Variants in ZNF462 observed in about 807,000 individuals in gnomAD.
The protein encoded by ZNF462 is zinc finger PBX1-interacting protein.
Under a neutral mutation model 201.9 loss-of-function variants are expected in ZNF462, and 10 were observed. The ratio of observed to expected loss-of-function variants is 0.05; its 90% CI spans 0.03 to 0.08. The LOEUF (loss-of-function observed/expected upper bound fraction) is 0.08. ZNF462 is among the 10% of genes least tolerant of loss of function. The pLI is 1.00. For synonymous variants in ZNF462, 1,227 were observed against 1,193.3 expected (o/e 1.03, Z -0.58); for missense variants, 2,523 against 3,168.3 (o/e 0.80, Z 4.89).
intron 1 of ZNF462, among the ~76,000 whole-genome samples, chr9:106,918,173 C>T (rs997243069): frequency 6.6e-6 from 1 of 152,140 alleles, no homozygotes; most frequent in African/African-American, 2.4e-5. Context: ...CCACGCCCTG[C>T]CTGCTGGTTT....
chr9:106,881,721 T>C (rs929925638), intron 1 of ZNF462, among the ~76,000 whole-genome samples: 3 of 152,162 alleles, frequency 2.0e-5, no homozygotes, highest in Admixed American at 1.3e-4. Flanking sequence ...GACAAACATA[T>C]ACCTTCTTGG....
chr9:106,908,117 A>G (rs1023706162), intron 1 of ZNF462, among the ~76,000 whole-genome samples: 1 of 152,204 alleles, frequency 6.6e-6, no homozygotes, highest in South Asian at 2.1e-4. Context: ...AAAGACTTCT[A>G]TAAACCTCCA....
Position 106,925,514 on chromosome 9 carries a change from G to A in ZNF462, c.1602G>A (p.Leu534=). The change falls in exon 3 of 13, where the codon TTG becomes TTA. Residue 534 remains leucine, a synonymous_variant. Transcript: ENST00000277225. The surrounding 1 kb of genome is among the most constrained non-coding windows in gnomAD (Gnocchi z 7.9). ...ATGGTAGAAAGTCAGGAGTCATGTT[G>A]GATCCCTTGCAGCAGCAACAGCCAC... The part of the protein sequence containing the change: ...SINGRKSGVM[L]DPLQQQQPPQ... 6.2e-7 allele frequency: 1 copy of A among 1,614,026 alleles called. No individual in the cohort carries two copies. The highest frequency in any genetic ancestry group is 8.5e-7 in the Non-Finnish European group (1 of 1,180,004).
chr9:106,903,841 C>T (rs1481646891), intron 1 of ZNF462, among the ~76,000 whole-genome samples: 1 of 152,176 alleles, frequency 6.6e-6, no homozygotes, highest in African/African-American at 2.4e-5. Context: ...CTGAAGGCAG[C>T]AGATAGTTGG....
chr9:107,010,731 T>G lies in ZNF462; in HGVS notation c.7314-92T>G. 7.9e-7 allele frequency: 1 copy of G among 1,264,782 alleles called. No homozygotes were observed. The highest frequency in any genetic ancestry group is 1.1e-6 in the Non-Finnish European group (1 of 939,472). The allele number at this position is 1,264,782 out of a possible 1,614,324, so 78.3% of individuals were successfully genotyped here. On this transcript the variant is annotated intron_variant, in intron 12 of 12. Coordinates refer to ENST00000277225, the MANE Select transcript of ZNF462 (RefSeq NM_021224.6). The surrounding 1 kb of genome is among the most constrained non-coding windows in gnomAD (Gnocchi z 4.6). ...CAAGGCTTTTTGAGGATCAGGAAAA[T>G]AAAGACACTCGAGGGTTTTTATTAT...
In ZNF462 at chr9:106,932,243, T is replaced by C. The variant is rs767709694; in HGVS notation, c.6013-203T>C. ...ATTTATTTTGTTGGTGGGGCATGTG[T>C]GTGTGTGTGGTTCTCTTAGCAGGAG... is the stretch of plus-strand genomic sequence containing the variant. On this transcript the variant is annotated intron_variant, in intron 4 of 12. Transcript: ENST00000277225. The surrounding 1 kb of genome is among the most constrained non-coding windows in gnomAD (Gnocchi z 6.8). 8 of 1,550,026 alleles carry C rather than the reference T, an allele frequency of 5.2e-6. No homozygotes were observed. In the South Asian group the frequency reaches 9.5e-5, roughly 18 times the overall value.
rs1829807116 is a variant in ZNF462 at position 107,009,684 on chromosome 9, T to A, written c.7313+16T>A. ...GACACGGCATGTAAGTTGGGCCACT[T>A]CAAGGATGCCTTTGTCCAAAGCAAG... On this transcript the variant is annotated intron_variant, in intron 12 of 12. Coordinates refer to ENST00000277225, the MANE Select transcript of ZNF462 (RefSeq NM_021224.6). This position sits in a 1 kb window ranked among gnomAD's most constrained non-coding sequence, Gnocchi z 6.1. The A allele has an allele frequency of 7.4e-7, 1 of 1,353,914 alleles. No individual in the cohort carries two copies. Among genetic ancestry groups the A allele is most frequent in the African/African-American group, 1.5e-5 (1 of 67,518 alleles). 83.9% of individuals were successfully genotyped at this position (1,353,914 alleles called of 1,614,324 possible). A position where few individuals can be genotyped will look rare whatever the true frequency, so the allele number is the denominator to read the frequency against.
chr9:106,984,320 A>G lies in ZNF462; in HGVS notation c.6967A>G (p.Asn2323Asp). The change falls in exon 10 of 13, where the codon AAT becomes GAT. Residue 2323 changes from asparagine (N) to aspartate (D), a missense_variant. Asn to Asp is a conservative substitution (Grantham distance 23, BLOSUM62 1). Transcript: ENST00000277225. The surrounding 1 kb of genome is among the most constrained non-coding windows in gnomAD (Gnocchi z 6.4). ...ESLQQHIEKH[N>D]ELKPYKCQLC... ...CCTCCAGCAACATATAGAAAAGCACAATGAACTGAAACCTTACAAATGCCA... is the reference window on the plus strand; with the variant it reads ...CCTCCAGCAACATATAGAAAAGCACGATGAACTGAAACCTTACAAATGCCA... The G allele has an allele frequency of 6.2e-7, 1 of 1,614,130 alleles. No homozygotes were observed. The highest frequency in any genetic ancestry group is 8.5e-7 in the Non-Finnish European group (1 of 1,179,988).
At chr9:106,874,617 A>G (rs1827746851) in intron 1 of ZNF462, among the ~76,000 whole-genome samples, 1 of 152,208 alleles carries the variant, frequency 6.6e-6, no homozygotes, top group Non-Finnish European at 1.5e-5. Context: ...ATTCTATGAT[A>G]ATTTAAAAAG....
Position 106,932,652 on chromosome 9 carries a change from A to C in ZNF462, c.6116+103A>C. On this transcript the variant is annotated intron_variant, in intron 5 of 12. Coordinates refer to ENST00000277225, the MANE Select transcript of ZNF462 (RefSeq NM_021224.6). This position sits in a 1 kb window ranked among gnomAD's most constrained non-coding sequence, Gnocchi z 6.8. ...TTGGATGAGTAAGAAGGCCCCACTCATGGTTCACACCTGCTGCTATGTTAC... is the reference window on the plus strand; with the variant it reads ...TTGGATGAGTAAGAAGGCCCCACTCCTGGTTCACACCTGCTGCTATGTTAC... 2 of 1,442,524 alleles carry C rather than the reference A, an allele frequency of 1.4e-6. No homozygotes were observed. Among genetic ancestry groups the C allele is most frequent in the Middle Eastern group, 3.6e-4 (2 of 5,520 alleles). 89.4% of individuals were successfully genotyped at this position (1,442,524 alleles called of 1,614,324 possible). A position where few individuals can be genotyped will look rare whatever the true frequency, so the allele number is the denominator to read the frequency against.
chr9:106,984,123 G>A lies in ZNF462; in HGVS notation c.6833-63G>A. 1.3e-6 allele frequency: 2 copies of A among 1,486,152 alleles called. No homozygotes were observed. The highest frequency in any genetic ancestry group is 1.8e-6 in the Non-Finnish European group (2 of 1,085,640). 92.1% of individuals were successfully genotyped at this position (1,486,152 alleles called of 1,614,324 possible). A position where few individuals can be genotyped will look rare whatever the true frequency, so the allele number is the denominator to read the frequency against. ...GGTGAGTTTCTTCTTGTATTCCAAA[G>A]AAAGAACTTCTGTTTTGCCATCAGT... On this transcript the variant is annotated intron_variant, in intron 9 of 12. Transcript: ENST00000277225. This position sits in a 1 kb window ranked among gnomAD's most constrained non-coding sequence, Gnocchi z 6.4.
At chr9:106,942,838 T>C (rs1830932086) in intron 7 of ZNF462, among the ~76,000 whole-genome samples, 1 of 152,242 alleles carries the variant, frequency 6.6e-6, no homozygotes, top group Non-Finnish European at 1.5e-5. Context: ...CTATGTGTTT[T>C]ATAAGAAGTC....
intron 1 of ZNF462, among the ~76,000 whole-genome samples, chr9:106,887,771 TC>T (rs1360230537): frequency 1.3e-5 from 2 of 152,224 alleles, no homozygotes; most frequent in Non-Finnish European, 2.9e-5. Context: ...TCTCTAGATT[TC>T]AAATAGAATG....
rs1564173956 is a variant in ZNF462 at position 107,011,382 on chromosome 9, A to G, written c.*352A>G. The stretch of plus-strand genomic sequence containing the variant: ...AACAGAAGCTCCATGACGGTAGAAG[A>G]CTTCTCATTGGGGAGCAACTTTTTG... On this transcript the variant is annotated 3_prime_UTR_variant, in exon 13 of 13. Coordinates refer to ENST00000277225, the MANE Select transcript of ZNF462 (RefSeq NM_021224.6). This position sits in a 1 kb window ranked among gnomAD's most constrained non-coding sequence, Gnocchi z 5.6. 1 of 170,598 alleles carries G rather than the reference A, an allele frequency of 5.9e-6. No individual in the cohort carries two copies. Among genetic ancestry groups the G allele is most frequent in the African/African-American group, 2.4e-5 (1 of 42,008 alleles). 10.6% of individuals were successfully genotyped at this position (170,598 alleles called of 1,614,324 possible). A position where few individuals can be genotyped will look rare whatever the true frequency, so the allele number is the denominator to read the frequency against.
chr9:106,878,596 C>CT (rs1827944520), intron 1 of ZNF462, among the ~76,000 whole-genome samples: 1 of 152,174 alleles, frequency 6.6e-6, no homozygotes. Context: ...TGAGATCTCT[C>CT]TATCACAGTT....
chr9:106,953,262 G>A (rs1015905877), intron 7 of ZNF462, among the ~76,000 whole-genome samples: 1 of 152,166 alleles, frequency 6.6e-6, no homozygotes, highest in Non-Finnish European at 1.5e-5. Flanking sequence ...AACTGCAGTG[G>A]CATTTTCTCT....
intron 7 of ZNF462, among the ~76,000 whole-genome samples, chr9:106,961,826 G>C (rs1831853793): frequency 6.6e-6 from 1 of 152,044 alleles, no homozygotes; most frequent in African/African-American, 2.4e-5. Flanking sequence ...CGTGGTGATG[G>C]CAGATTTGGA....
At chr9:106,884,826 T>G (rs1237389047) in intron 1 of ZNF462, among the ~76,000 whole-genome samples, 1 of 152,212 alleles carries the variant, frequency 6.6e-6, no homozygotes, top group African/African-American at 2.4e-5. Flanking sequence ...GGTTTGAAGC[T>G]GTTGCTTCTG....
At chr9:106,946,981 G>A (rs555278770) in intron 7 of ZNF462, among the ~76,000 whole-genome samples, 15 of 152,164 alleles carry the variant, frequency 9.9e-5, no homozygotes, top group African/African-American at 2.9e-4. Flanking sequence ...TTTGTTAACC[G>A]TAAATAACAA....
Sources: allele counts gnomAD v4.1 joint callset (sites outside exome capture counted in the v4.1 genomes callset), GRCh38; gene constraint gnomAD v4.1.1; non-coding constraint Gnocchi (gnomAD v3.1); transcripts MANE v1.5; gene names NCBI Gene and HGNC (gene_info 2026-07-23, HGNC 2026-07-21).